Variants in SUGCT observed in about 807,000 individuals in gnomAD.
The protein encoded by SUGCT is succinyl-CoA:glutarate CoA-transferase.
In SUGCT, 41 loss-of-function variants were observed where a neutral mutation model predicts 55.0. That is an observed-to-expected ratio of 0.74 (90% CI 0.58 to 0.97). The LOEUF (loss-of-function observed/expected upper bound fraction) is 0.97. Ranked by LOEUF, SUGCT falls within the 50% of genes least tolerant of loss-of-function variation. The pLI, the probability that SUGCT is intolerant of heterozygous loss-of-function variation, is 0.00. For missense variants in SUGCT, 568 were observed against 547.8 expected (o/e 1.04, Z -0.37); for synonymous variants, 187 against 200.4 (o/e 0.93, Z 0.56).
At chr7:40,820,125 C>G (rs1187528708) in intron 13 of SUGCT, among the ~76,000 whole-genome samples, 1 of 152,102 alleles carries the variant, frequency 6.6e-6, no homozygotes, top group Non-Finnish European at 1.5e-5. Context: ...TGGCCTATAT[C>G]TCTGTTTTGG....
chr7:40,339,220 A>T (rs1186068356), intron 9 of SUGCT, among the ~76,000 whole-genome samples: 1 of 152,172 alleles, frequency 6.6e-6, no homozygotes, highest in Admixed American at 6.5e-5. Flanking sequence ...AGGCAGTCTT[A>T]GCGTTCTCAG....
At chr7:40,883,520 C>G in the SUGCT span, among the ~76,000 whole-genome samples, 3 of 152,200 alleles carry the variant, frequency 2.0e-5, no homozygotes, top group African/African-American at 4.8e-5. Flanking sequence ...CTGATCCTCT[C>G]TGTGTCAGTT....
intron 8 of SUGCT, among the ~76,000 whole-genome samples, chr7:40,280,043 A>G (rs1020735942): frequency 6.6e-6 from 1 of 152,146 alleles, no homozygotes; most frequent in Non-Finnish European, 1.5e-5. Flanking sequence ...TAAAAATGAA[A>G]TTGTTATATT....
At chr7:40,975,495 A>G in the SUGCT span, among the ~76,000 whole-genome samples, 3 of 152,258 alleles carry the variant, frequency 2.0e-5, no homozygotes, top group East Asian at 5.8e-4. Flanking sequence ...CAATAGTTGT[A>G]TTTTCTTTTC....
At chr7:40,187,721 G>T (rs1490586729) in intron 3 of SUGCT, among the ~76,000 whole-genome samples, 4 of 152,168 alleles carry the variant, frequency 2.6e-5, no homozygotes, top group African/African-American at 9.7e-5. Flanking sequence ...CAGGATTGAG[G>T]TCAGGAGTTC....
At chr7:40,328,201 A>G (rs1336683513) in intron 9 of SUGCT, among the ~76,000 whole-genome samples, 1 of 152,208 alleles carries the variant, frequency 6.6e-6, no homozygotes, top group Non-Finnish European at 1.5e-5. Flanking sequence ...CATCACAGGG[A>G]TCCTTAATTA....
At chr7:40,337,935 A>G (rs998129929) in intron 9 of SUGCT, among the ~76,000 whole-genome samples, 6 of 151,908 alleles carry the variant, frequency 3.9e-5, no homozygotes, top group Admixed American at 6.6e-5. Flanking sequence ...CTCTTGTAGG[A>G]CAGGCCTGGT....
At chr7:40,431,567 T>C (rs1787898119) in intron 9 of SUGCT, among the ~76,000 whole-genome samples, 1 of 152,236 alleles carries the variant, frequency 6.6e-6, no homozygotes, top group African/African-American at 2.4e-5. Flanking sequence ...TTCTGATCCA[T>C]GAGCATAGGC....
intron 12 of SUGCT, among the ~76,000 whole-genome samples, chr7:40,528,507 A>T (rs1793919925): frequency 6.6e-6 from 1 of 152,258 alleles, no homozygotes; most frequent in South Asian, 2.1e-4. Flanking sequence ...TCTGTTTTAG[A>T]CCAGTAGATT....
chr7:41,007,558 C>G, the SUGCT span, among the ~76,000 whole-genome samples: 1 of 152,324 alleles, frequency 6.6e-6, no homozygotes, highest in Non-Finnish European at 1.5e-5. Context: ...TCTAATTTCT[C>G]TGCTCTGGAG....
intron 7 of SUGCT, among the ~76,000 whole-genome samples, chr7:40,240,278 GT>G (rs1789292266): frequency 5.3e-5 from 8 of 152,134 alleles, no homozygotes; most frequent in African/African-American, 1.9e-4. Flanking sequence ...GAGTTCGGGA[GT>G]TCGAGACCAG....
intron 9 of SUGCT, among the ~76,000 whole-genome samples, chr7:40,386,794 T>C (rs1219342878): frequency 6.6e-6 from 1 of 152,192 alleles, no homozygotes; most frequent in Non-Finnish European, 1.5e-5. Flanking sequence ...GCCACCTTGC[T>C]TTTATTTCCC....
At chr7:40,500,665 T>C (rs74570339) in intron 12 of SUGCT, among the ~76,000 whole-genome samples, 1 of 152,312 alleles carries the variant, frequency 6.6e-6, no homozygotes, top group East Asian at 1.9e-4. Flanking sequence ...TTTCATCTCA[T>C]TATTTGTATA....
chr7:40,650,665 A>G (rs954169037), intron 12 of SUGCT, among the ~76,000 whole-genome samples: 2 of 152,184 alleles, frequency 1.3e-5, no homozygotes, highest in East Asian at 1.9e-4. Context: ...AATAATCAAA[A>G]TTTGTTGCCT....
chr7:40,862,683 G>A (rs953180173), downstream of SUGCT, among the ~76,000 whole-genome samples: 1 of 150,888 alleles, frequency 6.6e-6, no homozygotes, highest in African/African-American at 2.4e-5. Flanking sequence ...TGGGGTAATC[G>A]TTACAGAATT....
At chr7:40,221,566 C>G (rs1457441896) in intron 6 of SUGCT, among the ~76,000 whole-genome samples, 1 of 146,274 alleles carries the variant, frequency 6.8e-6, no homozygotes, top group Non-Finnish European at 1.5e-5. Context: ...ACTTGGCTCA[C>G]TGCAAGCTCC....
chr7:40,805,895 G>A (rs1473213933), intron 13 of SUGCT, among the ~76,000 whole-genome samples: 1 of 152,182 alleles, frequency 6.6e-6, no homozygotes, highest in Non-Finnish European at 1.5e-5. Context: ...GTGTGTATGT[G>A]GAATGCCATC....
intron 12 of SUGCT, among the ~76,000 whole-genome samples, chr7:40,669,842 A>G (rs1419574758): frequency 6.6e-6 from 1 of 152,018 alleles, no homozygotes; most frequent in Non-Finnish European, 1.5e-5. Context: ...GGAGACCAGG[A>G]AAGATAGAAG....
chr7:40,626,074 A>G (rs1046577332), intron 12 of SUGCT, among the ~76,000 whole-genome samples: 1 of 152,102 alleles, frequency 6.6e-6, no homozygotes, highest in Non-Finnish European at 1.5e-5. Flanking sequence ...TAGGCCCTGC[A>G]AGGACCCTCC....
Sources: gnomAD v4.1 joint callset for allele counts (sites outside exome capture counted in the v4.1 genomes callset) on GRCh38, gnomAD v4.1.1 for gene constraint, MANE v1.5 for transcripts, NCBI Gene and HGNC (gene_info 2026-07-23, HGNC 2026-07-21) for gene names.